The following UBASH3B variants were observed in gnomAD, a reference collection of about 807,000 sequenced individuals.
The protein encoded by UBASH3B is ubiquitin-associated and SH3 domain-containing protein B.
A neutral mutation model predicts 83.4 loss-of-function variants in UBASH3B; 37 were observed. The ratio of observed to expected loss-of-function variants is 0.44; its 90% CI spans 0.34 to 0.58. The LOEUF is 0.58. Among genes scored for constraint, UBASH3B ranks in the 20% least tolerant of loss-of-function variants. UBASH3B has a pLI of 0.01. For missense variants in UBASH3B, 657 were observed against 827.2 expected (o/e 0.79, Z 2.52); for synonymous variants, 304 against 318.3 (o/e 0.96, Z 0.48).
chr11:122,731,254 ATTTC>A (rs1309251300), intron 1 of UBASH3B, among the ~76,000 whole-genome samples: 1 of 152,154 alleles, frequency 6.6e-6, no homozygotes, highest in African/African-American at 2.4e-5. Flanking sequence ...ACCAGCACAA[ATTTC>A]TTCTTCCTTC....
chr11:122,661,801 A>T (rs532636044), intron 1 of UBASH3B, among the ~76,000 whole-genome samples: 9 of 149,734 alleles, frequency 6.0e-5, no homozygotes, highest in Non-Finnish European at 1.2e-4. Flanking sequence ...TTGCCATAAG[A>T]GCCTCAGGCT....
intron 9 of UBASH3B, among the ~76,000 whole-genome samples, chr11:122,798,709 CA>C (rs11433996): frequency 1.3e-3 from 157 of 118,466 alleles, no homozygotes; most frequent in East Asian, 2.0e-3. Context: ...GACTCCATCT[CA>C]AAAAAAAAAA....
chr11:122,798,494 C>T (rs766273015), intron 9 of UBASH3B, among the ~76,000 whole-genome samples: 7 of 151,886 alleles, frequency 4.6e-5, no homozygotes, highest in Non-Finnish European at 1.0e-4. Context: ...AGGCGGATCA[C>T]GAGGTCAAGA....
At position 122,690,214 on chromosome 11, in the gene UBASH3B, T is replaced by TTTTATA. The variant is rs555075985; in HGVS notation, c.161+34005_161+34006insTTATAT. Among the ~76,000 whole-genome samples the TTTTATA allele has an allele frequency of 8.5e-4, 45 of 52,660 alleles. 2 individuals carry two copies. Among genetic ancestry groups the TTTTATA allele is most frequent in the East Asian group, 2.6e-3 (4 of 1,518 alleles). 34.5% of individuals were successfully genotyped at this position (52,660 alleles called of 152,430 possible). ...TATATATATATATATATATATCCAA[T>TTTTATA]TATATATATATATATCCAATTTTAT... is the stretch of plus-strand genomic sequence containing the variant. On this transcript the variant is annotated intron_variant, in intron 1 of 13. Coordinates refer to ENST00000284273, the MANE Select transcript of UBASH3B (RefSeq NM_032873.5).
intron 1 of UBASH3B, among the ~76,000 whole-genome samples, chr11:122,689,957 C>T (rs1420115413): frequency 3.3e-5 from 5 of 151,870 alleles, no homozygotes; most frequent in East Asian, 1.9e-4. Flanking sequence ...CAGGACCCTC[C>T]GTGTGGGCAG....
chr11:122,656,778 T>C (rs961035454), intron 1 of UBASH3B, among the ~76,000 whole-genome samples: 1 of 152,080 alleles, frequency 6.6e-6, no homozygotes, highest in Non-Finnish European at 1.5e-5. Flanking sequence ...TGCGTGTTCA[T>C]TGATGGGGAG....
At chr11:122,705,368 C>T (rs896734406) in intron 1 of UBASH3B, among the ~76,000 whole-genome samples, 1 of 151,586 alleles carries the variant, frequency 6.6e-6, no homozygotes, top group Admixed American at 6.6e-5. Context: ...ATCGCTTGAA[C>T]CTGGGAGGCA....
intron 9 of UBASH3B, 97 bp downstream of exon 9, chr11:122,797,130 A>G (rs1345925892): frequency 6.8e-7 from 1 of 1,461,756 alleles, no homozygotes; most frequent in Non-Finnish European, 9.2e-7. Flanking sequence ...GTGGGTTTCT[A>G]TAACTTTCCT....
intron 10 of UBASH3B, 131 bp from the exon 11 acceptor site, chr11:122,801,057 C>T: frequency 8.9e-7 from 1 of 1,122,196 alleles, no homozygotes; most frequent in Non-Finnish European, 1.3e-6. Context: ...AATCCACATG[C>T]TTCCATTTCT....
chr11:122,664,994 C>T (rs1048568667), intron 1 of UBASH3B, among the ~76,000 whole-genome samples: 41 of 152,322 alleles, frequency 2.7e-4, no homozygotes, highest in African/African-American at 9.1e-4. Context: ...CTGCAAGCTC[C>T]GCCCCCCGGG....
intron 1 of UBASH3B, among the ~76,000 whole-genome samples, chr11:122,683,433 A>G (rs1356037002): frequency 6.6e-6 from 1 of 151,534 alleles, no homozygotes; most frequent in Non-Finnish European, 1.5e-5. Flanking sequence ...TGGCCCACAT[A>G]GCAAAACCCC....
intron 1 of UBASH3B, among the ~76,000 whole-genome samples, chr11:122,657,062 G>C (rs1002998166): frequency 5.3e-5 from 8 of 152,182 alleles, no homozygotes; most frequent in African/African-American, 1.9e-4. Context: ...CTCTGCCTAA[G>C]AGGAAGCCAA....
chr11:122,699,912 A>G (rs1164048485), intron 1 of UBASH3B, among the ~76,000 whole-genome samples: 1 of 152,144 alleles, frequency 6.6e-6, no homozygotes, highest in Non-Finnish European at 1.5e-5. Flanking sequence ...ATGTCTTGTA[A>G]TCTATTAAGG....
At chr11:122,690,270 ATC>A (rs1439038101) in intron 1 of UBASH3B, among the ~76,000 whole-genome samples, 18 of 136,064 alleles carry the variant, frequency 1.3e-4, no homozygotes, top group Admixed American at 2.3e-4. Flanking sequence ...ATATATATAT[ATC>A]TCCAATTATA....
At chr11:122,656,685 C>G (rs926825299) in intron 1 of UBASH3B, among the ~76,000 whole-genome samples, 1 of 152,208 alleles carries the variant, frequency 6.6e-6, no homozygotes, top group African/African-American at 2.4e-5. Context: ...CCGGCGCCCC[C>G]GTTGCAGCGG....
At position 122,777,126 on chromosome 11, in the gene UBASH3B, C is replaced by T. The variant is rs1430549176; in HGVS notation, c.318C>T (p.Asp106=). 6.2e-7 allele frequency: 1 copy of T among 1,614,044 alleles called. No individual in the cohort carries two copies. Among genetic ancestry groups the T allele is most frequent in the Non-Finnish European group, 8.5e-7 (1 of 1,180,024 alleles). ...GCCCCTTAGCACAGAAGCTTTCCGA[C>T]TTTTGGCAGCAGTCGAAGCAGATCT... The part of the protein sequence containing the change: ...PTGPLAQKLS[D]FWQQSKQICG... The change falls in exon 3 of 14, where the codon GAC becomes GAT. Residue 106 remains aspartate (D), a synonymous_variant. Coordinates refer to ENST00000284273, the MANE Select transcript of UBASH3B (RefSeq NM_032873.5).
intron 1 of UBASH3B, among the ~76,000 whole-genome samples, chr11:122,770,726 T>C (rs1860628142): frequency 7.0e-6 from 1 of 143,570 alleles, no homozygotes; most frequent in African/African-American, 2.6e-5. Context: ...TTTCTACTCC[T>C]GCATTTTCAT....
intron 10 of UBASH3B, 48 bp from the exon 11 acceptor site, chr11:122,801,140 G>A: frequency 6.2e-7 from 1 of 1,602,356 alleles, no homozygotes; most frequent in Non-Finnish European, 8.5e-7. Flanking sequence ...AACTTGGCCT[G>A]AGAATCCACA....
At chr11:122,730,323 C>G (rs572095984) in intron 1 of UBASH3B, among the ~76,000 whole-genome samples, 1 of 152,278 alleles carries the variant, frequency 6.6e-6, no homozygotes, top group East Asian at 1.9e-4. Flanking sequence ...CAATTGCACT[C>G]ACATTGTGGG....
Sources: allele counts gnomAD v4.1 joint callset (sites outside exome capture counted in the v4.1 genomes callset), GRCh38; gene constraint gnomAD v4.1.1; transcripts MANE v1.5; gene names NCBI Gene and HGNC (gene_info 2026-07-23, HGNC 2026-07-21).